The following EML4 variants were observed in gnomAD, a reference collection of about 807,000 sequenced individuals.
The protein encoded by EML4 is echinoderm microtubule-associated protein-like 4.
Under a neutral mutation model 129.0 loss-of-function variants are expected in EML4, and 72 were observed. The observed-to-expected ratio is 0.56, with a 90% CI of 0.46 to 0.68. The LOEUF (loss-of-function observed/expected upper bound fraction) is 0.68, where lower values mean the gene tolerates loss of function less well. EML4 is among the 30% of genes least tolerant of loss of function. EML4 has a pLI of 0.00. For missense variants in EML4, 1,363 were observed against 1,190.6 expected, an observed-to-expected ratio of 1.14 and a Z score of -2.13; for synonymous variants, 532 against 405.0, an observed-to-expected ratio of 1.31 and a Z score of -3.77.
intron 19 of EML4, 177 bp from the exon 20 acceptor site, chr2:42,325,290 G>A (rs1481434758): frequency 1.6e-6 from 1 of 631,924 alleles, no homozygotes; most frequent in East Asian, 3.5e-5. Flanking sequence ...GTTTCTCCCA[G>A]GTTTCAAGTG....
At chr2:42,200,310 A>G (rs571948143) in intron 1 of EML4, among the ~76,000 whole-genome samples, 4 of 152,116 alleles carry the variant, frequency 2.6e-5, no homozygotes, top group Non-Finnish European at 4.4e-5. Flanking sequence ...GGGCGACAGA[A>G]CAAGACTACG....
chr2:42,179,056 T>C (rs921091536), intron 1 of EML4, among the ~76,000 whole-genome samples: 2 of 152,144 alleles, frequency 1.3e-5, no homozygotes, highest in Non-Finnish European at 2.9e-5. Flanking sequence ...AGTAACTCAA[T>C]ATGGTGGTGA....
rs779576619 is a variant in EML4, at chr2:42,282,809, C to G, written c.792-14C>G. On this transcript the variant is annotated splice_polypyrimidine_tract_variant and intron_variant, in intron 7 of 22. Coordinates refer to ENST00000318522, the MANE Select transcript of EML4 (RefSeq NM_019063.5). ...ACTGTGTTTATTTAAAACCTTGACT[C>G]TTTTTCTGTTAAGATATGGTTATCG... The G allele has an allele frequency of 5.4e-5, 86 of 1,606,794 alleles. No individual in the cohort carries two copies. The highest frequency in any genetic ancestry group is 1.4e-4 in the Admixed American group (8 of 57,922).
intron 1 of EML4, among the ~76,000 whole-genome samples, chr2:42,238,236 C>T (rs913100805): frequency 6.6e-6 from 1 of 152,042 alleles, no homozygotes; most frequent in Non-Finnish European, 1.5e-5. Context: ...TGGTACCAAG[C>T]AATTCAGATA....
At chr2:42,311,255 C>T (rs1347724088) in intron 17 of EML4, among the ~76,000 whole-genome samples, 2 of 152,176 alleles carry the variant, frequency 1.3e-5, no homozygotes, top group Non-Finnish European at 2.9e-5. Context: ...CTTAAAACAG[C>T]ATTAGTTAGG....
At position 42,317,446 on chromosome 2, in the gene EML4, A is replaced by G; in HGVS notation, c.2076A>G (p.Val692=). The G allele has an allele frequency of 6.2e-7, 1 of 1,611,630 alleles. No individual in the cohort carries two copies. The highest frequency in any genetic ancestry group is 8.5e-7 in the Non-Finnish European group (1 of 1,178,382). Residue 692 remains valine, a synonymous_variant, in exon 19 of 23, where the codon GTA becomes GTG. Transcript: ENST00000318522. The part of the protein sequence containing the change: ...RYSIDGTFLA[V]GSHDNFIYLY... ...TTCTAGATGGTACCTTCCTGGCTGTAGGATCTCATGACAACTTTATTTACC... is the reference window on the plus strand; with the variant it reads ...TTCTAGATGGTACCTTCCTGGCTGTGGGATCTCATGACAACTTTATTTACC...
At chr2:42,217,265 G>C (rs1673253647) in intron 1 of EML4, among the ~76,000 whole-genome samples, 1 of 152,062 alleles carries the variant, frequency 6.6e-6, no homozygotes, top group African/African-American at 2.4e-5. Context: ...TAATCTTAGG[G>C]ATACAGTCCT....
intron 6 of EML4, among the ~76,000 whole-genome samples, chr2:42,271,340 C>T (rs745954209): frequency 2.6e-5 from 4 of 152,130 alleles, no homozygotes; most frequent in African/African-American, 7.2e-5. Context: ...ACAGCAGGCC[C>T]GCCAGGCCGC....
At chr2:42,235,956 T>G (rs752571429) in intron 1 of EML4, among the ~76,000 whole-genome samples, 4 of 152,152 alleles carry the variant, frequency 2.6e-5, no homozygotes, top group Admixed American at 6.5e-5. Context: ...CCATCTACTT[T>G]TACAGAAGAG....
chr2:42,312,656 T>A (rs1437857421), intron 17 of EML4, among the ~76,000 whole-genome samples: 1 of 151,494 alleles, frequency 6.6e-6, no homozygotes, highest in Non-Finnish European at 1.5e-5. Flanking sequence ...CGGGTTTAAA[T>A]GATTCTTCTG....
In EML4 at chr2:42,245,094, C is replaced by CTTTTTTTTTTTTTTTTTT. The variant is rs56808218; in HGVS notation, c.26-410_26-393dup. On this transcript the variant is annotated intron_variant, in intron 1 of 22. Coordinates refer to ENST00000318522, the MANE Select transcript of EML4 (RefSeq NM_019063.5). The stretch of plus-strand genomic sequence containing the variant: ...AGTTTTTTGTTTTGAAATTTTCTTT[C>CTTTTTTTTTTTTTTTTTT]TTTTTTTTTTTTTTTTTTGAGACAG... 6.4e-3 allele frequency among the ~76,000 whole-genome samples: 423 copies of CTTTTTTTTTTTTTTTTTT among 66,512 alleles called. 95 individuals carry two copies. Among genetic ancestry groups the CTTTTTTTTTTTTTTTTTT allele is most frequent in the Admixed American group, 0.017 (72 of 4,294 alleles). The allele number at this position is 66,512 out of a possible 152,430, so 43.6% of individuals were successfully genotyped here.
At position 42,295,443 on chromosome 2, in the gene EML4, T is replaced by A; in HGVS notation, c.1416T>A (p.Thr472=). The change falls in exon 13 of 23, where the codon ACT becomes ACA. Residue 472 remains threonine (T), a synonymous_variant. Coordinates refer to ENST00000318522, the MANE Select transcript of EML4 (RefSeq NM_019063.5). ...TCTTGGGGAATGGAGATGTTCTTACTGGAGACTCAGGTGGAGTCATGCTTA... is the reference window on the plus strand; with the variant it reads ...TCTTGGGGAATGGAGATGTTCTTACAGGAGACTCAGGTGGAGTCATGCTTA... The part of the protein sequence containing the change: ...LAFLGNGDVL[T]GDSGGVMLIW... 1.9e-6 allele frequency: 3 copies of A among 1,613,972 alleles called. No homozygotes were observed. Among genetic ancestry groups the A allele is most frequent in the Non-Finnish European group, 2.5e-6 (3 of 1,179,856 alleles).
chr2:42,169,711 C>T, intron 1 of EML4, 75 bp downstream of exon 1: 1 of 1,516,204 alleles, frequency 6.6e-7, no homozygotes, highest in Non-Finnish European at 8.9e-7. Flanking sequence ...AGCCCAGGCC[C>T]TGCCCTCCCG....
chr2:42,328,496 T>C (rs2286701), intron 21 of EML4, among the ~76,000 whole-genome samples: 19,506 of 152,212 alleles, frequency 0.13, 1,239 homozygotes, highest in East Asian at 0.18. Flanking sequence ...CTTGGTGTTA[T>C]GGCTTTGTTT....
intron 1 of EML4, among the ~76,000 whole-genome samples, chr2:42,227,768 G>A (rs150610443): frequency 1.2e-4 from 18 of 152,226 alleles, no homozygotes; most frequent in African/African-American, 4.1e-4. Flanking sequence ...TCCACTTAAT[G>A]AATAGTGAAT....
At chr2:42,184,951 G>C (rs144331710) in intron 1 of EML4, among the ~76,000 whole-genome samples, 1 of 152,174 alleles carries the variant, frequency 6.6e-6, no homozygotes, top group Non-Finnish European at 1.5e-5. Flanking sequence ...CGCTTTGGCC[G>C]ATGGGAAAAC....
chr2:42,180,343 TG>T (rs1670861657), intron 1 of EML4, among the ~76,000 whole-genome samples: 1 of 152,216 alleles, frequency 6.6e-6, no homozygotes, highest in Non-Finnish European at 1.5e-5. Context: ...ATATTTTGTT[TG>T]GCCCTTTTGA....
intron 11 of EML4, chr2:42,288,872 A>C (rs1667461140): frequency 6.6e-6 from 1 of 152,144 alleles, no homozygotes; most frequent in African/African-American, 2.4e-5. Context: ...GAAGAATGTA[A>C]AATGCATTGA....
At chr2:42,260,110 C>T (rs999330573) in intron 3 of EML4, among the ~76,000 whole-genome samples, 2 of 151,702 alleles carry the variant, frequency 1.3e-5, no homozygotes, top group Non-Finnish European at 2.9e-5. Flanking sequence ...AGTAATCCTC[C>T]TGCCTTGGCC....
Sources: gnomAD v4.1 joint callset for allele counts (sites outside exome capture counted in the v4.1 genomes callset) on GRCh38, gnomAD v4.1.1 for gene constraint, MANE v1.5 for transcripts, NCBI Gene and HGNC (gene_info 2026-07-23, HGNC 2026-07-21) for gene names.